Variants in ZBTB40 observed in about 807,000 individuals in gnomAD.
The protein encoded by ZBTB40 is zinc finger and BTB domain-containing protein 40.
ZBTB40 carries 60 observed loss-of-function variants against 117.5 expected under a neutral mutation model. That is an observed-to-expected ratio of 0.51 (90% CI 0.41 to 0.63). The LOEUF (loss-of-function observed/expected upper bound fraction) is 0.63. ZBTB40 is among the 30% of genes least tolerant of loss of function. ZBTB40 has a pLI of 0.00. For synonymous variants in ZBTB40, 525 were observed against 577.1 expected, an observed-to-expected ratio of 0.91 and a Z score of 1.29; for missense variants, 1,287 against 1,498.5, an observed-to-expected ratio of 0.86 and a Z score of 2.33.
In ZBTB40 at chr1:22,486,717, T is replaced by TTTTTG. The variant is rs199723095; in HGVS notation, c.-69-3133_-69-3129dup. Among the ~76,000 whole-genome samples, 103 of 14,784 alleles carry TTTTTG rather than the reference T, an allele frequency of 7.0e-3. No individual in the cohort carries two copies. The East Asian group carries it at 0.18, about 26-fold the overall frequency. The allele number at this position is 14,784 out of a possible 152,430, so 9.7% of individuals were successfully genotyped here. ...TACAGAGGCGTTTGTTCATACATTT[T>TTTTTG]TTTTGTTTTGTTTTGTTTTGTTTTG... On this transcript the variant is annotated intron_variant, in intron 1 of 17. Coordinates refer to ENST00000375647, the MANE Select transcript of ZBTB40 (RefSeq NM_014870.4).
In ZBTB40 at chr1:22,520,156, T is replaced by C. The variant is rs1185079414; in HGVS notation, c.2929T>C (p.Tyr977His). ...CATCCATGAGGTGCACTCCAAAGAG[T>C]ACCACCCCTGCCCCACGTGTGGGAA... ...KHIHEVHSKE[Y>H]HPCPTCGKIF... Residue 977 changes from tyrosine to histidine, a missense_variant, in exon 14 of 18, where the codon TAC becomes CAC. By Grantham distance (83) the Tyr-to-His change is moderately conservative (BLOSUM62 2). Coordinates refer to ENST00000375647, the MANE Select transcript of ZBTB40 (RefSeq NM_014870.4). 1 of 1,614,040 alleles carries C rather than the reference T, an allele frequency of 6.2e-7. No homozygotes were observed. Among genetic ancestry groups the C allele is most frequent in the Non-Finnish European group, 8.5e-7 (1 of 1,179,994 alleles).
chr1:22,493,979 T>C (rs1638704520), intron 3 of ZBTB40, among the ~76,000 whole-genome samples: 1 of 152,100 alleles, frequency 6.6e-6, no homozygotes, highest in African/African-American at 2.4e-5. Flanking sequence ...AGCCTCAGTG[T>C]CCTCGTTTGT....
At chr1:22,517,257 A>C (rs1483720247) in intron 12 of ZBTB40, 43 bp from the exon 13 acceptor site, 11 of 1,611,848 alleles carry the variant, frequency 6.8e-6, no homozygotes, top group African/African-American at 2.7e-5. Context: ...GCAATGCCAT[A>C]AATTTTTAGT....
At position 22,528,534 on chromosome 1, in the gene ZBTB40, GT is replaced by G. The variant is rs1466244411; in HGVS notation, c.*2141del. On this transcript the variant is annotated 3_prime_UTR_variant, in exon 18 of 18. Coordinates refer to ENST00000375647, the MANE Select transcript of ZBTB40 (RefSeq NM_014870.4). Reference sequence around the variant, plus strand: ...CAAGCACTGAGAAATTCTTTCTCAGGTTTCTTTTTTTGGGGGAGACAGGGTC... The same window carrying G: ...CAAGCACTGAGAAATTCTTTCTCAGGTTCTTTTTTTGGGGGAGACAGGGTC... The G allele has an allele frequency of 6.6e-6, 1 of 152,244 alleles. No individual in the cohort carries two copies. Among genetic ancestry groups the G allele is most frequent in the African/African-American group, 2.4e-5 (1 of 41,428 alleles). 9.4% of individuals were successfully genotyped at this position (152,244 alleles called of 1,614,324 possible).
chr1:22,457,947 A>G (rs1361592221), intron 1 of ZBTB40, among the ~76,000 whole-genome samples: 1 of 152,132 alleles, frequency 6.6e-6, no homozygotes, highest in Admixed American at 6.5e-5. Context: ...GCAGCAGTGA[A>G]TTTGCCATCT....
chr1:22,432,399 C>G (rs1313962610), intron 1 of ZBTB40, among the ~76,000 whole-genome samples: 1 of 152,242 alleles, frequency 6.6e-6, no homozygotes, highest in Non-Finnish European at 1.5e-5. Context: ...GCAGCAGCTA[C>G]TCCCAACATC....
At chr1:22,484,977 G>T (rs1638424767) in intron 1 of ZBTB40, among the ~76,000 whole-genome samples, 1 of 152,186 alleles carries the variant, frequency 6.6e-6, no homozygotes, top group Non-Finnish European at 1.5e-5. Flanking sequence ...AACCAGCCTT[G>T]CATACCTGTG....
intron 1 of ZBTB40, among the ~76,000 whole-genome samples, chr1:22,469,296 T>G (rs1641341853): frequency 6.6e-6 from 1 of 152,214 alleles, no homozygotes; most frequent in South Asian, 2.1e-4. Flanking sequence ...CCAGTTATGT[T>G]TTCATTAATG....
intron 13 of ZBTB40, 78 bp from the exon 14 acceptor site, chr1:22,519,983 A>T: frequency 2.4e-6 from 3 of 1,267,486 alleles, no homozygotes; most frequent in Admixed American, 3.4e-5. Context: ...CACAACAACC[A>T]GTGTTTCACT....
chr1:22,500,979 G>T (rs1484093417), intron 3 of ZBTB40, among the ~76,000 whole-genome samples: 1 of 152,044 alleles, frequency 6.6e-6, no homozygotes, highest in African/African-American at 2.4e-5. Context: ...TTTAAATTCA[G>T]ACATCCCTGC....
intron 1 of ZBTB40, among the ~76,000 whole-genome samples, chr1:22,478,200 C>T (rs1441834368): frequency 6.6e-6 from 1 of 152,106 alleles, no homozygotes; most frequent in Non-Finnish European, 1.5e-5. Flanking sequence ...ACATACTAGC[C>T]GTGTGGCCCT....
chr1:22,508,269 A>T (rs892747090), intron 7 of ZBTB40, 132 bp downstream of exon 7: 11 of 1,151,048 alleles, frequency 9.6e-6, no homozygotes, highest in Non-Finnish European at 1.2e-5. Flanking sequence ...TAAGTAGAGG[A>T]GAAATAGAAG....
chr1:22,506,388 A>C, intron 6 of ZBTB40, 147 bp downstream of exon 6: 1 of 855,798 alleles, frequency 1.2e-6, no homozygotes, highest in Non-Finnish European at 1.8e-6. Flanking sequence ...TAAATCGATA[A>C]TTCTCGATCT....
intron 4 of ZBTB40, among the ~76,000 whole-genome samples, chr1:22,502,062 C>T (rs1638950187): frequency 2.0e-5 from 3 of 152,198 alleles, no homozygotes; most frequent in Admixed American, 6.5e-5. Flanking sequence ...CAGAAGTTAA[C>T]CTCTGGCTGG....
chr1:22,521,500 T>C lies in ZBTB40; in HGVS notation c.3053T>C (p.Leu1018Ser). 6.2e-7 allele frequency: 1 copy of C among 1,614,226 alleles called. No homozygotes were observed. Among genetic ancestry groups the C allele is most frequent in the Non-Finnish European group, 8.5e-7 (1 of 1,180,038 alleles). ...CGICNKAYQQ[L>S]SGLWYHNRTH... is the part of the protein sequence containing the mutation. ...CACTTGCCAAATTCCTTGCAGCAAT[T>C]GTCTGGTTTGTGGTACCACAATCGA... The change falls in exon 15 of 18, where the codon TTG (leucine) becomes TCG (serine). Residue 1018 changes from leucine to serine, a missense_variant. By Grantham distance (145) the Leu-to-Ser change is moderately radical. Coordinates refer to ENST00000375647, the MANE Select transcript of ZBTB40 (RefSeq NM_014870.4).
At chr1:22,493,603 T>C (rs935507558) in intron 3 of ZBTB40, among the ~76,000 whole-genome samples, 13 of 152,030 alleles carry the variant, frequency 8.6e-5, no homozygotes, top group Admixed American at 7.9e-4. Context: ...CCCCCAAAAG[T>C]TTCTTCTTGT....
intron 7 of ZBTB40, 110 bp downstream of exon 7, chr1:22,508,247 G>A: frequency 7.6e-7 from 1 of 1,313,086 alleles, no homozygotes; most frequent in African/African-American, 1.5e-5. Flanking sequence ...ATGTAGCCAT[G>A]TTGAGAATTG....
At chr1:22,515,993 G>A (rs186313918) in intron 12 of ZBTB40, among the ~76,000 whole-genome samples, 20 of 152,308 alleles carry the variant, frequency 1.3e-4, no homozygotes, top group African/African-American at 3.9e-4. Context: ...TGTTAGTGGG[G>A]GTTGTAAAGA....
intron 1 of ZBTB40, among the ~76,000 whole-genome samples, chr1:22,486,759 G>A (rs577235887): frequency 1.3e-5 from 2 of 151,272 alleles, no homozygotes; most frequent in South Asian, 2.1e-4. Context: ...TTTTTGAGAC[G>A]GAGTCTCCCT....
Sources: allele counts gnomAD v4.1 joint callset (sites outside exome capture counted in the v4.1 genomes callset), GRCh38; gene constraint gnomAD v4.1.1; transcripts MANE v1.5; gene names NCBI Gene and HGNC (gene_info 2026-07-23, HGNC 2026-07-21).